HPSE2: variants seen among roughly 807,000 people sequenced by gnomAD.
HPSE2 encodes heparanase 2 (inactive).
HPSE2 carries 38 observed loss-of-function variants against 60.5 expected under a neutral mutation model. The observed-to-expected ratio is 0.63, with a 90% CI of 0.48 to 0.82. HPSE2 has a LOEUF of 0.82. Ranked by LOEUF, HPSE2 falls within the 40% of genes least tolerant of loss-of-function variation. HPSE2 has a pLI of 0.00. For missense variants in HPSE2, 713 were observed against 740.4 expected (o/e 0.96, Z 0.43); for synonymous variants, 295 against 293.2 (o/e 1.01, Z -0.06).
intron 2 of HPSE2, 67 bp from the exon 3 acceptor site, chr10:99,144,466 A>G: frequency 6.4e-7 from 1 of 1,572,820 alleles, no homozygotes; most frequent in South Asian, 1.1e-5. Flanking sequence ...TACATCATCA[A>G]AGTCTTGTTT....
At chr10:98,579,466 C>A in intron 9 of HPSE2, among the ~76,000 whole-genome samples, 1 of 152,198 alleles carries the variant, frequency 6.6e-6, no homozygotes, top group Non-Finnish European at 1.5e-5. Context: ...AAGCAAGTCA[C>A]TCAGCTTTGC....
intron 2 of HPSE2, among the ~76,000 whole-genome samples, chr10:99,153,060 G>A (rs150450822): frequency 0.024 from 3,670 of 152,296 alleles, 95 homozygotes; most frequent in African/African-American, 0.062. Flanking sequence ...AAAAAACTGC[G>A]CACCACGAGA....
At chr10:99,104,517 A>G (rs534429665) in intron 3 of HPSE2, among the ~76,000 whole-genome samples, 8 of 152,328 alleles carry the variant, frequency 5.3e-5, no homozygotes, top group African/African-American at 1.7e-4. Context: ...TTCCTCAACA[A>G]TCTAGAACTA....
chr10:99,241,275 A>G, the HPSE2 span, among the ~76,000 whole-genome samples: 23 of 152,274 alleles, frequency 1.5e-4, no homozygotes, highest in Middle Eastern at 6.8e-3. Context: ...CAACAACAAA[A>G]AAAACCTTAG....
At chr10:98,940,515 C>A (rs1267983213) in intron 3 of HPSE2, among the ~76,000 whole-genome samples, 1 of 143,918 alleles carries the variant, frequency 6.9e-6, no homozygotes, top group African/African-American at 2.8e-5. Flanking sequence ...CACATACACC[C>A]TCCCAAGACT....
At chr10:98,554,369 C>T (rs182637627) in intron 9 of HPSE2, among the ~76,000 whole-genome samples, 4 of 152,298 alleles carry the variant, frequency 2.6e-5, no homozygotes, top group East Asian at 3.9e-4. Flanking sequence ...TAAAGTAGGA[C>T]GTCCTTCATG....
At chr10:98,519,182 A>G (rs1004718287) in intron 9 of HPSE2, among the ~76,000 whole-genome samples, 1 of 152,236 alleles carries the variant, frequency 6.6e-6, no homozygotes, top group Admixed American at 6.5e-5. Context: ...CTTTTTGGCT[A>G]GATATCATCA....
At chr10:98,510,302 G>C (rs1942346567) in intron 9 of HPSE2, among the ~76,000 whole-genome samples, 1 of 152,020 alleles carries the variant, frequency 6.6e-6, no homozygotes, top group African/African-American at 2.4e-5. Context: ...CTTTCCATGG[G>C]GCAAGTCCAC....
chr10:98,829,396 C>T (rs1189134344), intron 3 of HPSE2, among the ~76,000 whole-genome samples: 2 of 151,748 alleles, frequency 1.3e-5, no homozygotes, highest in South Asian at 2.1e-4. Context: ...GGTGTGGTGG[C>T]GTGGTGAGGT....
At chr10:99,049,487 AC>A (rs1212371342) in intron 3 of HPSE2, among the ~76,000 whole-genome samples, 2 of 152,278 alleles carry the variant, frequency 1.3e-5, no homozygotes, top group East Asian at 3.9e-4. Context: ...ATTTTGACAG[AC>A]AAAGGCAAAG....
intron 3 of HPSE2, among the ~76,000 whole-genome samples, chr10:99,109,649 C>T (rs1386667224): frequency 1.3e-5 from 2 of 152,164 alleles, no homozygotes; most frequent in African/African-American, 2.4e-5. Flanking sequence ...CCCACCAACA[C>T]TCCAGAATGC....
At chr10:98,606,868 T>A (rs1288194831) in intron 9 of HPSE2, among the ~76,000 whole-genome samples, 2 of 152,206 alleles carry the variant, frequency 1.3e-5, no homozygotes, top group Admixed American at 1.3e-4. Context: ...CTTGGTTCTA[T>A]CAGCGGCTTA....
chr10:98,855,221 A>T (rs1952282036), intron 3 of HPSE2, among the ~76,000 whole-genome samples: 1 of 152,202 alleles, frequency 6.6e-6, no homozygotes, highest in Non-Finnish European at 1.5e-5. Context: ...GACTAGTATG[A>T]GTGTATAGAA....
At chr10:98,803,200 C>A (rs1950958969) in intron 3 of HPSE2, among the ~76,000 whole-genome samples, 1 of 151,120 alleles carries the variant, frequency 6.6e-6, no homozygotes, top group African/African-American at 2.4e-5. Context: ...TGTTTGAGTT[C>A]ATTGTAGATT....
chr10:99,165,636 T>G (rs565158981), intron 2 of HPSE2, among the ~76,000 whole-genome samples: 18 of 150,614 alleles, frequency 1.2e-4, no homozygotes, highest in Non-Finnish European at 2.7e-4. Context: ...AACCTCCACC[T>G]CCTGGGTTCA....
chr10:99,248,415 A>T, the HPSE2 span, among the ~76,000 whole-genome samples: 2 of 152,172 alleles, frequency 1.3e-5, no homozygotes, highest in African/African-American at 4.8e-5. Flanking sequence ...GAAAGTGATG[A>T]TTTAGGGTAT....
intron 9 of HPSE2, among the ~76,000 whole-genome samples, chr10:98,570,180 G>C (rs2133895275): frequency 6.6e-6 from 1 of 152,300 alleles, no homozygotes; most frequent in Non-Finnish European, 1.5e-5. Flanking sequence ...TCCAAGGCCA[G>C]CTCTGAACAT....
intron 9 of HPSE2, among the ~76,000 whole-genome samples, chr10:98,543,768 A>G (rs1943557946): frequency 6.6e-6 from 1 of 152,206 alleles, no homozygotes; most frequent in South Asian, 2.1e-4. Context: ...CAATTCAACA[A>G]GAAGAGCTAA....
intron 3 of HPSE2, among the ~76,000 whole-genome samples, chr10:98,801,664 T>C (rs1192900879): frequency 6.6e-6 from 1 of 151,736 alleles, no homozygotes; most frequent in East Asian, 1.9e-4. Flanking sequence ...CAATAAAAAC[T>C]ATAAAACACT....
Sources: gnomAD v4.1 joint callset for allele counts (sites outside exome capture counted in the v4.1 genomes callset) on GRCh38, gnomAD v4.1.1 for gene constraint, MANE v1.5 for transcripts, NCBI Gene and HGNC (gene_info 2026-07-23, HGNC 2026-07-21) for gene names.